The following LRP4 variants were observed in gnomAD, a reference collection of about 807,000 sequenced individuals.
LRP4 encodes the protein low-density lipoprotein receptor-related protein 4.
LRP4 carries 95 observed loss-of-function variants against 220.3 expected under a neutral mutation model. The ratio of observed to expected loss-of-function variants is 0.43; its 90% CI spans 0.37 to 0.51. The LOEUF (loss-of-function observed/expected upper bound fraction) is 0.51, where lower values mean the gene tolerates loss of function less well. LRP4 is among the 20% of genes least tolerant of loss of function. The probability of loss-of-function intolerance (pLI) is 0.00; values close to 1 mark genes in which losing one functional copy is unlikely to be tolerated. For missense variants in LRP4, 1,925 were observed against 2,567.0 expected (o/e 0.75, Z 5.40); for synonymous variants, 903 against 954.6 (o/e 0.95, Z 1.00).
chr11:46,868,559 G>A, intron 33 of LRP4, 41 bp downstream of exon 33: 1 of 1,431,298 alleles, frequency 7.0e-7, no homozygotes, highest in Non-Finnish European at 9.9e-7. Flanking sequence ...AGCCCTTCCA[G>A]GGGCTCTGCC....
Position 46,890,647 on chromosome 11 carries a change from T to C in LRP4, c.1698-153A>G, listed in dbSNP as rs776094558. Among the ~76,000 whole-genome samples, 3 of 152,168 alleles carry C rather than the reference T, an allele frequency of 2.0e-5. No homozygotes were observed. Among genetic ancestry groups the C allele is most frequent in the Admixed American group, 6.5e-5 (1 of 15,282 alleles). The stretch of plus-strand genomic sequence containing the variant: ...TTTTTTTTTAGACGGGGTCTCATTT[T>C]GTCACCCAGGCTGGAGGGCAGGTGA... On this transcript the variant is annotated intron_variant, in intron 13 of 37. Transcript: ENST00000378623. This position sits in a 1 kb window ranked among gnomAD's most constrained non-coding sequence, Gnocchi z 5.3.
At position 46,862,577 on chromosome 11, in the gene LRP4, G is replaced by A. The variant is rs200780174; in HGVS notation, c.5385+29C>T. 15 of 1,613,586 alleles carry A rather than the reference G, an allele frequency of 9.3e-6. No homozygotes were observed. In the East Asian group the frequency reaches 3.3e-4, roughly 36 times the overall value. On this transcript the variant is annotated intron_variant, in intron 37 of 37. Transcript: ENST00000378623. ...ATCCCTCCCCACACCTCGCCAAAAA[G>A]ACCCTTGAATATAAATTTCAATTTT...
At chr11:46,881,356 CA>C (rs1173736794) in intron 20 of LRP4, among the ~76,000 whole-genome samples, 4 of 152,090 alleles carry the variant, frequency 2.6e-5, no homozygotes, top group Non-Finnish European at 4.4e-5. Context: ...AAAACAAAAA[CA>C]AAAAGAGATG....
At chr11:46,917,786 G>C (rs1270193666) in intron 1 of LRP4, among the ~76,000 whole-genome samples, 1 of 152,170 alleles carries the variant, frequency 6.6e-6, no homozygotes. Context: ...AGAGCCCCTT[G>C]GTGGGAGCAA....
chr11:46,909,081 C>T (rs112894749), intron 1 of LRP4, among the ~76,000 whole-genome samples: 1 of 152,050 alleles, frequency 6.6e-6, no homozygotes, highest in East Asian at 1.9e-4. Flanking sequence ...CGGGTGACAC[C>T]GATGCACACT....
intron 12 of LRP4, 39 bp from the exon 13 acceptor site, chr11:46,893,168 C>T (rs752347205): frequency 6.2e-7 from 1 of 1,613,424 alleles, no homozygotes. Flanking sequence ...AAGGAGTCAA[C>T]CCAGGCCCCC....
rs1380991790 is a variant in LRP4, at chr11:46,890,212, C to T, written c.1915+65G>A. 2 of 1,606,466 alleles carry T rather than the reference C, an allele frequency of 1.2e-6. No individual in the cohort carries two copies. Among genetic ancestry groups the T allele is most frequent in the Non-Finnish European group, 1.7e-6 (2 of 1,173,412 alleles). ...CAACTACACAAAACCTCTACCAAGG[C>T]TCCTGGGGGGCAGGGACGGGGGCAG... On this transcript the variant is annotated intron_variant, in intron 14 of 37. Coordinates refer to ENST00000378623, the MANE Select transcript of LRP4 (RefSeq NM_002334.4). This position sits in a 1 kb window ranked among gnomAD's most constrained non-coding sequence, Gnocchi z 5.3.
In LRP4 at chr11:46,902,849, T is replaced by C. The variant is rs1378468014; in HGVS notation, c.133A>G (p.Ile45Val). 4 of 1,614,008 alleles carry C rather than the reference T, an allele frequency of 2.5e-6. No homozygotes were observed. Among genetic ancestry groups the C allele is most frequent in the South Asian group, 1.1e-5 (1 of 91,092 alleles). The change falls in exon 2 of 38, where the codon ATC (isoleucine) becomes GTC (valine). Residue 45 changes from isoleucine to valine, a missense_variant. Physicochemically the swap from Ile to Val is conservative, Grantham distance 29 (BLOSUM62 3). This residue lies in a region of LRP4 where 412 missense variants were observed against 505.4 expected (regional missense o/e 0.82). Transcript: ENST00000378623. ...CCATCACACTGCCACTGGGCAGGGATGCAGGTACACTCTCCAAGAGCACTC... is the reference window on the plus strand; with the variant it reads ...CCATCACACTGCCACTGGGCAGGGACGCAGGTACACTCTCCAAGAGCACTC... The part of the protein sequence containing the change: ...AVSALGECTC[I>V]PAQWQCDGDN...
intron 12 of LRP4, among the ~76,000 whole-genome samples, chr11:46,893,621 T>G (rs901691030): frequency 2.0e-5 from 3 of 152,208 alleles, no homozygotes; most frequent in Non-Finnish European, 4.4e-5. Flanking sequence ...TGTTTCGAGA[T>G]GGAGTCTCAC....
At position 46,864,453 on chromosome 11, in the gene LRP4, C is replaced by G. The variant is rs768773868; in HGVS notation, c.5238G>C (p.Leu1746=). ...LILVVIAALM[L]YRHKKSKFTD... ...TGTAGCAAGACTGAAGTTACCTGTA[C>G]AGCATCAAAGCTGCAATCACCACCA... is the stretch of plus-strand genomic sequence containing the variant. Residue 1746 remains leucine (L), a synonymous_variant, in exon 36 of 38, where the codon CTG becomes CTC. Coordinates refer to ENST00000378623, the MANE Select transcript of LRP4 (RefSeq NM_002334.4). 6.2e-7 allele frequency: 1 copy of G among 1,612,046 alleles called. No homozygotes were observed. Among genetic ancestry groups the G allele is most frequent in the East Asian group, 2.2e-5 (1 of 44,862 alleles).
rs1484436802 is a variant in LRP4, at chr11:46,868,482, A to C, written c.4951+118T>G. The C allele has an allele frequency of 9.8e-6, 8 of 816,708 alleles. No homozygotes were observed. In the Admixed American group the frequency reaches 1.3e-4, roughly 14 times the overall value. The allele number at this position is 816,708 out of a possible 1,614,324, so 50.6% of individuals were successfully genotyped here. A position where few individuals can be genotyped will look rare whatever the true frequency, so the allele number is the denominator to read the frequency against. On this transcript the variant is annotated intron_variant, in intron 33 of 37. Coordinates refer to ENST00000378623, the MANE Select transcript of LRP4 (RefSeq NM_002334.4). ...ACTGCTACCAATCACTCCACTAATAAGACCTTCTTTATGGGGATCCCACCC... is the reference window on the plus strand; with the variant it reads ...ACTGCTACCAATCACTCCACTAATACGACCTTCTTTATGGGGATCCCACCC...
chr11:46,869,015 T>C lies in LRP4; in HGVS notation c.4810A>G (p.Ile1604Val), dbSNP rs1940787578. 1 of 1,614,056 alleles carries C rather than the reference T, an allele frequency of 6.2e-7. No homozygotes were observed. Among genetic ancestry groups the C allele is most frequent in the African/African-American group, 1.3e-5 (1 of 74,918 alleles). Residue 1604 changes from isoleucine to valine, a missense_variant, in exon 32 of 38, where the codon ATC (isoleucine) becomes GTC (valine). Physicochemically the swap from Ile to Val is conservative, Grantham distance 29. Coordinates refer to ENST00000378623, the MANE Select transcript of LRP4 (RefSeq NM_002334.4). ...GTCTGCCGCTGAGGGGAAACCACGA[T>C]GATATCCATGAGTCCTTCCACATTT... Reference protein sequence around the residue: ...LANVEGLMDIIVVSPQRQTGT... With the variant: ...LANVEGLMDIVVVSPQRQTGT...
intron 20 of LRP4, among the ~76,000 whole-genome samples, chr11:46,879,985 A>T (rs1191678794): frequency 3.3e-5 from 5 of 152,124 alleles, no homozygotes; most frequent in Non-Finnish European, 7.4e-5. Context: ...GGTGCCTATA[A>T]TCCCAGCTAC....
At chr11:46,881,680 T>C in intron 20 of LRP4, 22 bp downstream of exon 20, 1 of 1,605,550 alleles carries the variant, frequency 6.2e-7, no homozygotes, top group Non-Finnish European at 8.5e-7. Context: ...CACCCTTACC[T>C]TCCTCTTACT....
chr11:46,871,947 C>A lies in LRP4; in HGVS notation c.4584-314G>T, dbSNP rs10769212. On this transcript the variant is annotated intron_variant, in intron 30 of 37. Coordinates refer to ENST00000378623, the MANE Select transcript of LRP4 (RefSeq NM_002334.4). ...CCAATAATCAAAGCCCAATTTCTTACAAATGGTCTTTAAGAAGAGAGCTCA... is the reference window on the plus strand; with the variant it reads ...CCAATAATCAAAGCCCAATTTCTTAAAAATGGTCTTTAAGAAGAGAGCTCA... 0.64 allele frequency among the ~76,000 whole-genome samples: 97,542 copies of A among 152,018 alleles called. 33,058 individuals are homozygous for A. The highest frequency in any genetic ancestry group is 0.77 in the Non-Finnish European group (52,034 of 68,002).
chr11:46,876,390 T>C, intron 25 of LRP4, 76 bp downstream of exon 25: 1 of 1,568,456 alleles, frequency 6.4e-7, no homozygotes, highest in Non-Finnish European at 8.8e-7. Context: ...TCCTCTCCAC[T>C]ACCCACCTTT....
At chr11:46,901,917 T>G (rs1235001272) in intron 2 of LRP4, among the ~76,000 whole-genome samples, 1 of 151,856 alleles carries the variant, frequency 6.6e-6, no homozygotes, top group African/African-American at 2.4e-5. Context: ...GTATTTTTAA[T>G]AGAGACAGGG....
Position 46,918,205 on chromosome 11 carries a change from A to C in LRP4, c.52+123T>G. 9.2e-7 allele frequency: 1 copy of C among 1,090,930 alleles called. No homozygotes were observed. The highest frequency in any genetic ancestry group is 1.6e-5 in the African/African-American group (1 of 60,658). 67.6% of individuals were successfully genotyped at this position (1,090,930 alleles called of 1,614,324 possible). A position where few individuals can be genotyped will look rare whatever the true frequency, so the allele number is the denominator to read the frequency against. On this transcript the variant is annotated intron_variant, in intron 1 of 37. Coordinates refer to ENST00000378623, the MANE Select transcript of LRP4 (RefSeq NM_002334.4). The surrounding 1 kb of genome is among the most constrained non-coding windows in gnomAD (Gnocchi z 6.0). ...GGTCCTCTCCCCTGCACGCAGCCCC[A>C]GGGCCACGGCTAGGAGCGAGGGCGA...
At chr11:46,915,791 G>A (rs1941937999) in intron 1 of LRP4, among the ~76,000 whole-genome samples, 1 of 152,172 alleles carries the variant, frequency 6.6e-6, no homozygotes, top group Non-Finnish European at 1.5e-5. Context: ...TGATCCGCTA[G>A]TCTCAGCCTC....
Sources: allele counts gnomAD v4.1 joint callset (sites outside exome capture counted in the v4.1 genomes callset), GRCh38; gene constraint gnomAD v4.1.1; regional missense constraint gnomAD v4.1.1; non-coding constraint Gnocchi (gnomAD v3.1); transcripts MANE v1.5; gene names NCBI Gene and HGNC (gene_info 2026-07-23, HGNC 2026-07-21).